The following SMOC1 variants were observed in gnomAD, a reference collection of about 807,000 sequenced individuals.
SMOC1 encodes the protein SPARC related modular calcium binding 1, also known as SPARC-related modular calcium-binding protein 1.
Under a neutral mutation model 56.3 loss-of-function variants are expected in SMOC1, and 22 were observed. The ratio of observed to expected loss-of-function variants is 0.39; its 90% CI spans 0.28 to 0.56. SMOC1 has a LOEUF of 0.56. SMOC1 is among the 20% of genes least tolerant of loss of function. SMOC1 has a pLI of 0.61. For missense variants in SMOC1, 509 were observed against 565.4 expected (o/e 0.90, Z 1.01); for synonymous variants, 193 against 215.0 (o/e 0.90, Z 0.89).
rs79580945 is a variant in SMOC1, at chr14:70,011,513, G to T, written c.886G>T (p.Ala296Ser). ...CGTGATGCCCAGTTGTGAGAGCGAC[G>T]CCAGGGCCAAGACTACAGAGGCGGA... ...RYVMPSCESD[A>S]RAKTTEADDP... The change falls in exon 9 of 12, where the codon GCC (alanine) becomes TCC (serine). Residue 296 changes from alanine to serine, a missense_variant. Transcript: ENST00000361956. 1.9e-6 allele frequency: 3 copies of T among 1,573,086 alleles called. No homozygotes were observed. Among genetic ancestry groups the T allele is most frequent in the Admixed American group, 1.7e-5 (1 of 58,680 alleles).
At chr14:69,932,917 C>G (rs1335158017) in intron 1 of SMOC1, among the ~76,000 whole-genome samples, 1 of 152,144 alleles carries the variant, frequency 6.6e-6, no homozygotes, top group Non-Finnish European at 1.5e-5. Flanking sequence ...CTGTGCAAGA[C>G]TACACCAACC....
intron 10 of SMOC1, among the ~76,000 whole-genome samples, chr14:70,022,714 CA>C (rs1038969554): frequency 1.7e-4 from 26 of 152,326 alleles, no homozygotes; most frequent in Middle Eastern, 3.4e-3. Context: ...CACTTGAGGC[CA>C]GGGGTGCACC....
intron 1 of SMOC1, among the ~76,000 whole-genome samples, chr14:69,922,994 G>T (rs917529817): frequency 1.3e-5 from 2 of 151,354 alleles, no homozygotes; most frequent in Non-Finnish European, 1.5e-5. Flanking sequence ...GTCCAGGCTG[G>T]AGTGCAGTGG....
chr14:69,908,518 A>G (rs1884471695), intron 1 of SMOC1, among the ~76,000 whole-genome samples: 1 of 152,120 alleles, frequency 6.6e-6, no homozygotes, highest in Non-Finnish European at 1.5e-5. Flanking sequence ...GGGAACACGG[A>G]CAGACTCTGG....
At chr14:69,902,766 G>A (rs528651991) in intron 1 of SMOC1, among the ~76,000 whole-genome samples, 2,158 of 151,750 alleles carry the variant, frequency 0.014, 46 homozygotes, top group African/African-American at 0.049. Flanking sequence ...GCAGGCGCGC[G>A]CCGCCACGCC....
At chr14:69,910,282 T>G (rs1327888395) in intron 1 of SMOC1, among the ~76,000 whole-genome samples, 1 of 152,202 alleles carries the variant, frequency 6.6e-6, no homozygotes, top group Non-Finnish European at 1.5e-5. Context: ...CTTAGGCCCC[T>G]GGGAAGAGTC....
intron 11 of SMOC1, among the ~76,000 whole-genome samples, chr14:70,024,880 T>C (rs1229953305): frequency 2.0e-5 from 3 of 152,088 alleles, no homozygotes; most frequent in Non-Finnish European, 4.4e-5. Flanking sequence ...GGGACATGGA[T>C]TGGAAATGAG....
At chr14:69,966,605 C>T (rs61981599) in intron 3 of SMOC1, among the ~76,000 whole-genome samples, 5,071 of 152,240 alleles carry the variant, frequency 0.033, 120 homozygotes, top group Non-Finnish European at 0.05. Context: ...CCAGGGCTCA[C>T]GCTCCACTTA....
Position 70,011,481 on chromosome 14 carries a change from C to G in SMOC1, c.858-4C>G, listed in dbSNP as rs772529045. The stretch of plus-strand genomic sequence containing the variant: ...CAACCCCCCCCATATCTCTCTTTTC[C>G]CAGCTACGTGATGCCCAGTTGTGAG... On this transcript the variant is annotated splice_region_variant and splice_polypyrimidine_tract_variant and intron_variant, in intron 8 of 11. Transcript: ENST00000361956. 8 of 1,551,860 alleles carry G rather than the reference C, an allele frequency of 5.2e-6. No individual in the cohort carries two copies. Among genetic ancestry groups the G allele is most frequent in the African/African-American group, 1.4e-5 (1 of 72,208 alleles).
At chr14:70,018,198 T>C (rs996553748) in intron 10 of SMOC1, among the ~76,000 whole-genome samples, 4 of 151,520 alleles carry the variant, frequency 2.6e-5, no homozygotes, top group Non-Finnish European at 5.9e-5. Flanking sequence ...GGAAGCAGGA[T>C]TGGAGGGGAG....
chr14:70,023,394 A>C lies in SMOC1; in HGVS notation c.1238A>C (p.Asp413Ala). The C allele has an allele frequency of 6.2e-7, 1 of 1,614,124 alleles. No individual in the cohort carries two copies. Among genetic ancestry groups the C allele is most frequent in the Non-Finnish European group, 8.5e-7 (1 of 1,180,034 alleles). The change falls in exon 11 of 12, where the codon GAC (aspartate) becomes GCC (alanine). Residue 413 changes from aspartate (D) to alanine (A), a missense_variant. Transcript: ENST00000361956. ...RFTDYCDLNK[D>A]KVISLPELKG... ...ACCGACTACTGTGACCTGAACAAAG[A>C]CAAGGTCATTTCACTGCCTGAGCTG...
In SMOC1 at chr14:70,011,480, C is replaced by A; in HGVS notation, c.858-5C>A. The A allele has an allele frequency of 1.8e-6, 2 of 1,097,854 alleles. No individual in the cohort carries two copies. Among genetic ancestry groups the A allele is most frequent in the Non-Finnish European group, 2.6e-6 (2 of 773,136 alleles). 68.0% of individuals were successfully genotyped at this position (1,097,854 alleles called of 1,614,324 possible). A position where few individuals can be genotyped will look rare whatever the true frequency, so the allele number is the denominator to read the frequency against. On this transcript the variant is annotated splice_region_variant and splice_polypyrimidine_tract_variant and intron_variant, in intron 8 of 11. Transcript: ENST00000361956. Reference sequence around the variant, plus strand: ...CCAACCCCCCCCATATCTCTCTTTTCCCAGCTACGTGATGCCCAGTTGTGA... The same window carrying A: ...CCAACCCCCCCCATATCTCTCTTTTACCAGCTACGTGATGCCCAGTTGTGA...
chr14:69,892,949 A>G (rs1448554089), intron 1 of SMOC1, among the ~76,000 whole-genome samples: 2 of 152,178 alleles, frequency 1.3e-5, no homozygotes, highest in Non-Finnish European at 2.9e-5. Flanking sequence ...CACATATTGC[A>G]ATTGGTTGAT....
At chr14:69,980,966 G>C (rs1330107499) in intron 5 of SMOC1, among the ~76,000 whole-genome samples, 1 of 152,132 alleles carries the variant, frequency 6.6e-6, no homozygotes, top group Non-Finnish European at 1.5e-5. Context: ...GGGATCGGCT[G>C]TCCCTCCCAG....
At chr14:69,893,501 G>C (rs192067687) in intron 1 of SMOC1, among the ~76,000 whole-genome samples, 1 of 152,250 alleles carries the variant, frequency 6.6e-6, no homozygotes, top group Admixed American at 6.5e-5. Flanking sequence ...GGTGGCCTTG[G>C]GAGGGGAACC....
chr14:69,964,534 C>T (rs1180639906), intron 3 of SMOC1, among the ~76,000 whole-genome samples: 2 of 151,980 alleles, frequency 1.3e-5, no homozygotes, highest in African/African-American at 2.4e-5. Flanking sequence ...CCCACCACCA[C>T]GCCCGGCTAA....
chr14:69,898,353 A>T (rs1162306648), intron 1 of SMOC1, among the ~76,000 whole-genome samples: 1 of 152,128 alleles, frequency 6.6e-6, no homozygotes, highest in Non-Finnish European at 1.5e-5. Context: ...ATTCTCAGTC[A>T]CTATTGCTTC....
In SMOC1 at chr14:69,942,936, C is replaced by T. The variant is rs1882620297; in HGVS notation, c.100-9202C>T. Among the ~76,000 whole-genome samples the T allele has an allele frequency of 6.6e-5, 10 of 152,300 alleles. No individual in the cohort carries two copies. In the South Asian group the frequency reaches 2.1e-3, roughly 32 times the overall value. On this transcript the variant is annotated intron_variant, in intron 1 of 11. Transcript: ENST00000361956. Reference sequence around the variant, plus strand: ...CATGGGTTCTCCTCTCTCCTGCCTTCCTACACAGTGGCACCTGGTGTAAGA... The same window carrying T: ...CATGGGTTCTCCTCTCTCCTGCCTTTCTACACAGTGGCACCTGGTGTAAGA...
At chr14:70,008,092 C>T (rs2139581043) in intron 7 of SMOC1, among the ~76,000 whole-genome samples, 1 of 151,942 alleles carries the variant, frequency 6.6e-6, no homozygotes, top group African/African-American at 2.4e-5. Context: ...CCCATTTTTC[C>T]AAATTAGTGA....
Sources: allele counts gnomAD v4.1 joint callset (sites outside exome capture counted in the v4.1 genomes callset), GRCh38; gene constraint gnomAD v4.1.1; transcripts MANE v1.5; gene names NCBI Gene and HGNC (gene_info 2026-07-23, HGNC 2026-07-21).